The following OSMR variants were observed in gnomAD, a reference collection of about 807,000 sequenced individuals.
OSMR encodes oncostatin M receptor, also known as oncostatin-M-specific receptor subunit beta.
A neutral mutation model predicts 99.9 loss-of-function variants in OSMR; 81 were observed. The observed-to-expected ratio is 0.81, with a 90% CI of 0.68 to 0.97. The LOEUF (loss-of-function observed/expected upper bound fraction) is 0.97. Among genes scored for constraint, OSMR ranks in the 50% least tolerant of loss-of-function variants. The pLI is 0.00. For synonymous variants in OSMR, 406 were observed against 410.4 expected (o/e 0.99, Z 0.13); for missense variants, 1,099 against 1,153.4 (o/e 0.95, Z 0.68).
chr5:38,861,899 C>T (rs1177397865), intron 1 of OSMR, among the ~76,000 whole-genome samples: 18 of 139,358 alleles, frequency 1.3e-4, no homozygotes, highest in Non-Finnish European at 1.4e-4. Context: ...CCCTCCCGGA[C>T]GGGGCGGCTG....
At chr5:38,846,485 C>T (rs1329631566) in intron 1 of OSMR, 98 bp downstream of exon 1, 2 of 152,316 alleles carry the variant, frequency 1.3e-5, no homozygotes, top group African/African-American at 4.8e-5. Context: ...GCGCCTTTTT[C>T]TCAAATGATG....
rs1746828628 is a variant in OSMR at position 38,932,914 on chromosome 5, C to G, written c.2410C>G (p.Pro804Ala). 6 of 1,613,980 alleles carry G rather than the reference C, an allele frequency of 3.7e-6. No homozygotes were observed. Among genetic ancestry groups the G allele is most frequent in the Non-Finnish European group, 3.4e-6 (4 of 1,179,938 alleles). Reference sequence around the variant, plus strand: ...AATAATGAATGTCAGTGACTGTATCCCAGATGCTATTGAAGTTGTAAGCAA... The same window carrying G: ...AATAATGAATGTCAGTGACTGTATCGCAGATGCTATTGAAGTTGTAAGCAA... ...LIIMNVSDCI[P>A]DAIEVVSKPE... Residue 804 changes from proline (P) to alanine (A), a missense_variant, in exon 18 of 18, where the codon CCA (proline) becomes GCA (alanine). Physicochemically the swap from Pro to Ala is conservative, Grantham distance 27. Coordinates refer to ENST00000274276, the MANE Select transcript of OSMR (RefSeq NM_003999.3).
In OSMR at chr5:38,918,740, G is replaced by A. The variant is rs182049785; in HGVS notation, c.1363-100G>A. 41 of 1,548,684 alleles carry A rather than the reference G, an allele frequency of 2.6e-5. 1 individual carries two copies. The highest frequency in any genetic ancestry group is 1.5e-4 in the African/African-American group (11 of 72,700). Reference sequence around the variant, plus strand: ...GCTGTTTGAATTTTCTGGTGTGTGCGTATATAAAGGAGTTGAGGGACAGAA... The same window carrying A: ...GCTGTTTGAATTTTCTGGTGTGTGCATATATAAAGGAGTTGAGGGACAGAA... On this transcript the variant is annotated intron_variant, in intron 10 of 17. Coordinates refer to ENST00000274276, the MANE Select transcript of OSMR (RefSeq NM_003999.3).
At chr5:38,863,009 CA>C (rs1741597127) in intron 1 of OSMR, among the ~76,000 whole-genome samples, 1 of 152,004 alleles carries the variant, frequency 6.6e-6, no homozygotes, top group Non-Finnish European at 1.5e-5. Flanking sequence ...CAAAAAAGTA[CA>C]AAAACCAGTC....
intron 2 of OSMR, 37 bp downstream of exon 2, chr5:38,869,154 G>T: frequency 7.0e-7 from 1 of 1,437,896 alleles, no homozygotes; most frequent in Non-Finnish European, 9.8e-7. Context: ...CAAAAATCAC[G>T]TCGGGAACAA....
intron 4 of OSMR, 105 bp downstream of exon 4, chr5:38,881,869 C>A: frequency 9.9e-7 from 1 of 1,005,434 alleles, no homozygotes; most frequent in Non-Finnish European, 1.5e-6. Flanking sequence ...TGGGTAGACA[C>A]TGACATTATT....
At chr5:38,894,083 C>A (rs1348877776) in intron 7 of OSMR, among the ~76,000 whole-genome samples, 1 of 152,152 alleles carries the variant, frequency 6.6e-6, no homozygotes, top group Non-Finnish European at 1.5e-5. Context: ...AGTTGAGCTT[C>A]ATATGTGAAG....
chr5:38,891,763 T>G (rs1368378050), intron 7 of OSMR, among the ~76,000 whole-genome samples: 2 of 152,216 alleles, frequency 1.3e-5, no homozygotes, highest in East Asian at 3.9e-4. Context: ...TGCTAGCTGC[T>G]GTAGCCCCAA....
At chr5:38,897,729 TC>T (rs1159835606) in intron 7 of OSMR, among the ~76,000 whole-genome samples, 1 of 152,140 alleles carries the variant, frequency 6.6e-6, no homozygotes, top group Non-Finnish European at 1.5e-5. Context: ...TTGAAGTTTT[TC>T]TTCTGTTTTG....
chr5:38,936,451 C>T (rs146915042), downstream of OSMR, among the ~76,000 whole-genome samples: 20 of 152,272 alleles, frequency 1.3e-4, 1 homozygote, highest in East Asian at 2.9e-3. Flanking sequence ...AGCCTGTGCA[C>T]GGTCCTCACC....
chr5:38,926,698 T>C (rs2112677038), intron 15 of OSMR, among the ~76,000 whole-genome samples: 1 of 152,266 alleles, frequency 6.6e-6, no homozygotes, highest in South Asian at 2.1e-4. Context: ...TGGGTGGGGA[T>C]ACTGCCAAAC....
intron 5 of OSMR, among the ~76,000 whole-genome samples, chr5:38,884,370 G>C (rs1743539671): frequency 6.6e-6 from 1 of 152,156 alleles, no homozygotes; most frequent in Non-Finnish European, 1.5e-5. Flanking sequence ...TCATGACCTG[G>C]ACCACTGGGA....
chr5:38,935,746 A>G (rs1442823146), downstream of OSMR: 1 of 152,226 alleles, frequency 6.6e-6, no homozygotes, highest in East Asian at 1.9e-4. Flanking sequence ...ATTCCTGGGT[A>G]TGACTACAAA....
In OSMR at chr5:38,934,783, G is replaced by A. The variant is rs1391884643; in HGVS notation, c.*1339G>A. ...GCTTCCCCAAGGGCTGGGATTACAG[G>A]TGTGAGCCACCATGCCCAGCCTATT... On this transcript the variant is annotated 3_prime_UTR_variant, in exon 18 of 18. Transcript: ENST00000274276. 6.6e-6 allele frequency: 1 copy of A among 152,190 alleles called. No individual in the cohort carries two copies. Among genetic ancestry groups the A allele is most frequent in the Non-Finnish European group, 1.5e-5 (1 of 68,060 alleles). The allele number at this position is 152,190 out of a possible 1,614,324, so 9.4% of individuals were successfully genotyped here. A position where few individuals can be genotyped will look rare whatever the true frequency, so the allele number is the denominator to read the frequency against.
chr5:38,855,777 ATC>A (rs1273493142), intron 1 of OSMR, among the ~76,000 whole-genome samples: 3 of 148,276 alleles, frequency 2.0e-5, no homozygotes, highest in Non-Finnish European at 4.4e-5. Context: ...TGTCCCTTCA[ATC>A]TCTCATCCTT....
rs559155640 is a variant in OSMR, at chr5:38,926,055, T to C, written c.2212+684T>C. Among the ~76,000 whole-genome samples the C allele has an allele frequency of 1.2e-4, 18 of 152,292 alleles. 1 individual carries two copies. In the South Asian group the frequency reaches 3.7e-3, roughly 32 times the overall value. ...TGGTTGATGGAAAAATTTATTCTCA[T>C]GGCAAACCCTGACAACCAATAAACA... On this transcript the variant is annotated intron_variant, in intron 15 of 17. Coordinates refer to ENST00000274276, the MANE Select transcript of OSMR (RefSeq NM_003999.3).
chr5:38,858,222 A>G (rs943775161), intron 1 of OSMR, among the ~76,000 whole-genome samples: 2 of 152,016 alleles, frequency 1.3e-5, no homozygotes, highest in African/African-American at 4.8e-5. Context: ...TGTTCCTCCA[A>G]TCTAACTGCA....
At position 38,916,874 on chromosome 5, in the gene OSMR, A is replaced by AC. The variant is rs543493083; in HGVS notation, c.1286-669dup. ...CTGAGGCAGATGCTAGAGTTTCAAA[A>AC]CCCTTGGCCCCAGGGATCCTATGGT... On this transcript the variant is annotated intron_variant, in intron 9 of 17. Coordinates refer to ENST00000274276, the MANE Select transcript of OSMR (RefSeq NM_003999.3). Among the ~76,000 whole-genome samples, 235 of 152,138 alleles carry AC rather than the reference A, an allele frequency of 1.5e-3. 1 individual carries two copies. The highest frequency in any genetic ancestry group is 0.01 in the Middle Eastern group (3 of 294).
At chr5:38,914,853 G>A (rs766929863) in intron 9 of OSMR, among the ~76,000 whole-genome samples, 9 of 152,034 alleles carry the variant, frequency 5.9e-5, no homozygotes, top group Non-Finnish European at 1.3e-4. Flanking sequence ...AAGGGAGGGG[G>A]CAAGCGTTGA....
Sources: gnomAD v4.1 joint callset for allele counts (sites outside exome capture counted in the v4.1 genomes callset) on GRCh38, gnomAD v4.1.1 for gene constraint, MANE v1.5 for transcripts, NCBI Gene and HGNC (gene_info 2026-07-23, HGNC 2026-07-21) for gene names.